CELF2: variants seen among roughly 807,000 people sequenced by gnomAD.
The protein encoded by CELF2 is CUG triplet repeat RNA-binding protein 2.
CELF2 carries 8 observed loss-of-function variants against 62.6 expected under a neutral mutation model. The observed-to-expected ratio is 0.13, with a 90% CI of 0.07 to 0.23. The LOEUF (loss-of-function observed/expected upper bound fraction) is 0.23. Ranked by LOEUF, CELF2 falls within the 10% of genes least tolerant of loss-of-function variation. The pLI is 1.00. For missense variants in CELF2, 333 were observed against 671.0 expected (o/e 0.50, Z 5.56); for synonymous variants, 258 against 250.0 (o/e 1.03, Z -0.30).
At chr10:10,624,571 G>T in the CELF2 span, among the ~76,000 whole-genome samples, 1 of 152,180 alleles carries the variant, frequency 6.6e-6, no homozygotes, top group South Asian at 2.1e-4. Context: ...CCAAATGAGT[G>T]CTGCATCATT....
the CELF2 span, among the ~76,000 whole-genome samples, chr10:10,615,616 G>GACCT: frequency 2.0e-5 from 3 of 152,056 alleles, no homozygotes; most frequent in African/African-American, 7.3e-5. Flanking sequence ...TTGGACCACG[G>GACCT]GGGCAGATTT....
the CELF2 span, among the ~76,000 whole-genome samples, chr10:10,560,358 C>G: frequency 6.6e-6 from 1 of 152,154 alleles, no homozygotes; most frequent in South Asian, 2.1e-4. Context: ...ATGGATGGCC[C>G]TTGAAATATA....
chr10:11,186,298 T>C lies in CELF2; in HGVS notation c.271+20616T>C, dbSNP rs934563653. On this transcript the variant is annotated intron_variant, in intron 2 of 12. Transcript: ENST00000633077. The stretch of plus-strand genomic sequence containing the variant: ...AGAACTAGCCTTTGGTTTTGTTGCT[T>C]TTTTTTTTTTTTTTTCTATTTCTTT... 5.9e-3 allele frequency among the ~76,000 whole-genome samples: 657 copies of C among 110,566 alleles called. 2 individuals are homozygous for C. Among genetic ancestry groups the C allele is most frequent in the African/African-American group, 0.03 (636 of 21,448 alleles). The allele number at this position is 110,566 out of a possible 152,430, so 72.5% of individuals were successfully genotyped here. A position where few individuals can be genotyped will look rare whatever the true frequency, so the allele number is the denominator to read the frequency against.
the CELF2 span, among the ~76,000 whole-genome samples, chr10:10,585,302 A>G: frequency 7.2e-5 from 11 of 152,282 alleles, no homozygotes; most frequent in South Asian, 2.1e-3. Context: ...CGGACAAGAA[A>G]ACTAAAACAC....
chr10:11,142,434 C>T (rs1427557780), intron 1 of CELF2, among the ~76,000 whole-genome samples: 1 of 152,042 alleles, frequency 6.6e-6, no homozygotes, highest in East Asian at 1.9e-4. Context: ...CCTGTAATCC[C>T]AGCACTTTGG....
At chr10:10,804,604 T>C (rs2055014638) in intron 1 of CELF2, among the ~76,000 whole-genome samples, 1 of 152,246 alleles carries the variant, frequency 6.6e-6, no homozygotes, top group Admixed American at 6.5e-5. Flanking sequence ...GGAGGAAATG[T>C]ATGGTTTACT....
chr10:10,466,085 A>G, the CELF2 span, among the ~76,000 whole-genome samples: 1 of 152,080 alleles, frequency 6.6e-6, no homozygotes, highest in African/African-American at 2.4e-5. Flanking sequence ...TGATATTTCT[A>G]TGTACCTTTT....
chr10:10,986,754 T>C (rs2052802215), intron 2 of CELF2, among the ~76,000 whole-genome samples: 1 of 152,158 alleles, frequency 6.6e-6, no homozygotes, highest in Non-Finnish European at 1.5e-5. Flanking sequence ...TACAGGGCAA[T>C]GTCTGCCACA....
Position 11,246,372 on chromosome 10 carries a change from A to T in CELF2, c.355-2781A>T, listed in dbSNP as rs1010375023. On this transcript the variant is annotated intron_variant, in intron 3 of 12. Transcript: ENST00000633077. The surrounding 1 kb of genome is among the most constrained non-coding windows in gnomAD (Gnocchi z 4.6). ...AGTCTTTCCTGTCTTGAAAGGACAG[A>T]TGGGTGGCCCCCATCCTCCACTGAG... 2.0e-5 allele frequency among the ~76,000 whole-genome samples: 3 copies of T among 152,000 alleles called. No individual in the cohort carries two copies. Among genetic ancestry groups the T allele is most frequent in the African/African-American group, 7.3e-5 (3 of 41,364 alleles).
intron 1 of CELF2, among the ~76,000 whole-genome samples, chr10:10,834,932 A>G (rs7918946): frequency 0.069 from 10,439 of 152,198 alleles, 496 homozygotes; most frequent in East Asian, 0.22. Flanking sequence ...CCTTTGAACC[A>G]TCTTTGTTCC....
chr10:11,035,751 GT>G (rs1413498299), intron 1 of CELF2, among the ~76,000 whole-genome samples: 4 of 152,136 alleles, frequency 2.6e-5, no homozygotes, highest in Non-Finnish European at 5.9e-5. Context: ...TTGTTATTCC[GT>G]TCAGCCATCA....
intron 3 of CELF2, among the ~76,000 whole-genome samples, chr10:11,234,976 A>C (rs144480846): frequency 6.6e-6 from 1 of 152,346 alleles, no homozygotes; most frequent in African/African-American, 2.4e-5. Context: ...ACAATGATGC[A>C]GTGAGTTTTC....
rs1161393170 is a variant in CELF2, at chr10:11,012,273, G to A, written c.53+6833G>A. On this transcript the variant is annotated intron_variant, in intron 1 of 12. Coordinates refer to the CELF2 transcript ENST00000416382. The surrounding 1 kb of genome is among the most constrained non-coding windows in gnomAD (Gnocchi z 5.5). ...CTGGATCAGATATCTTCTGATCCTA[G>A]TGACCACGAGCTCTTTGGGAGGGAT... Among the ~76,000 whole-genome samples the A allele has an allele frequency of 6.6e-6, 1 of 152,218 alleles. No homozygotes were observed. Among genetic ancestry groups the A allele is most frequent in the African/African-American group, 2.4e-5 (1 of 41,454 alleles).
intron 3 of CELF2, among the ~76,000 whole-genome samples, chr10:11,221,850 A>G (rs1412023547): frequency 6.6e-6 from 1 of 152,268 alleles, no homozygotes; most frequent in Non-Finnish European, 1.5e-5. Flanking sequence ...ACATTTGTTT[A>G]GAGTGCTCCA....
intron 2 of CELF2, among the ~76,000 whole-genome samples, chr10:11,197,025 A>AAAAGAAAGAAAGGAAAGAAAGAAAGAAAG (rs2057886703): frequency 3.8e-5 from 1 of 26,048 alleles, no homozygotes; most frequent in Non-Finnish European, 8.3e-5. Context: ...AGAAAGAAAG[A>AAAAGAAAGAAAGGAAAGAAAGAAAGAAAG]AAAGAAAGAA....
At chr10:10,727,399 A>C in the CELF2 span, among the ~76,000 whole-genome samples, 1 of 152,292 alleles carries the variant, frequency 6.6e-6, no homozygotes, top group African/African-American at 2.4e-5. Flanking sequence ...ACTTCACTTT[A>C]TATTGATACG....
At chr10:11,288,638 C>A in intron 9 of CELF2, 86 bp downstream of exon 9, 1 of 1,472,608 alleles carries the variant, frequency 6.8e-7, no homozygotes. Flanking sequence ...GAGGGTGAGG[C>A]TAGACGTGTC....
At chr10:11,139,699 G>A (rs1417660648) in intron 1 of CELF2, among the ~76,000 whole-genome samples, 1 of 152,168 alleles carries the variant, frequency 6.6e-6, no homozygotes, top group African/African-American at 2.4e-5. Context: ...CTTTTAAAGA[G>A]TTTAACTCTT....
At position 11,268,514 on chromosome 10, in the gene CELF2, C is replaced by A. The variant is rs1263271374; in HGVS notation, c.618+1837C>A. Among the ~76,000 whole-genome samples the A allele has an allele frequency of 6.6e-6, 1 of 152,158 alleles. No homozygotes were observed. Among genetic ancestry groups the A allele is most frequent in the Non-Finnish European group, 1.5e-5 (1 of 68,024 alleles). On this transcript the variant is annotated intron_variant, in intron 6 of 12. Transcript: ENST00000633077. The surrounding 1 kb of genome is among the most constrained non-coding windows in gnomAD (Gnocchi z 4.7). ...TCATAAAGCAGAACTGGGCATGAAC[C>A]AGGCTGAGAAACAGTAGGTTCCCAT...
Sources: allele counts gnomAD v4.1 joint callset (sites outside exome capture counted in the v4.1 genomes callset), GRCh38; gene constraint gnomAD v4.1.1; non-coding constraint Gnocchi (gnomAD v3.1); transcripts MANE v1.5; gene names NCBI Gene and HGNC (gene_info 2026-07-23, HGNC 2026-07-21).